PID1: variants seen among roughly 807,000 people sequenced by gnomAD.
PID1 encodes the protein phosphotyrosine interaction domain containing 1.
In PID1, 10 loss-of-function variants were observed where a neutral mutation model predicts 19.1. The ratio of observed to expected loss-of-function variants is 0.52; its 90% CI spans 0.32 to 0.89. The LOEUF (loss-of-function observed/expected upper bound fraction) is 0.89. PID1 is among the 40% of genes least tolerant of loss of function. The pLI, the probability that PID1 is intolerant of heterozygous loss-of-function variation, is 0.03. For missense variants in PID1, 248 were observed against 285.3 expected, an observed-to-expected ratio of 0.87 and a Z score of 0.94; for synonymous variants, 130 against 116.0, an observed-to-expected ratio of 1.12 and a Z score of -0.78.
chr2:229,191,675 A>C (rs7598398), intron 1 of PID1, among the ~76,000 whole-genome samples: 16,330 of 152,282 alleles, frequency 0.11, 1,178 homozygotes, highest in East Asian at 0.42. Flanking sequence ...ACAGGTTCAA[A>C]GCACCAGGGA....
intron 1 of PID1, among the ~76,000 whole-genome samples, chr2:229,240,648 C>A (rs1411709397): frequency 6.6e-6 from 1 of 152,058 alleles, no homozygotes; most frequent in Non-Finnish European, 1.5e-5. Context: ...ATTGCTTTGA[C>A]TTTCAGCATT....
chr2:229,090,188 G>T (rs530487561), intron 2 of PID1, among the ~76,000 whole-genome samples: 28 of 152,060 alleles, frequency 1.8e-4, no homozygotes, highest in Middle Eastern at 3.4e-3. Flanking sequence ...TATTCCTAAG[G>T]TATTCTTTTT....
chr2:229,170,931 G>T lies in PID1; in HGVS notation c.31-14967C>A, dbSNP rs75661303. Among the ~76,000 whole-genome samples the T allele has an allele frequency of 2.6e-3, 401 of 152,300 alleles. 4 individuals carry two copies. The highest frequency in any genetic ancestry group is 9.2e-3 in the African/African-American group (382 of 41,572). On this transcript the variant is annotated intron_variant, in intron 1 of 2. Coordinates refer to ENST00000392055, the MANE Select transcript of PID1 (RefSeq NM_001100818.2). ...ACTTTCAAAAGAATGAAAGAAGTCA[G>T]ACAAAACAATGTAAGATTTAGAAAC... is the stretch of plus-strand genomic sequence containing the variant.
At chr2:229,051,431 C>T (rs971858726) in intron 2 of PID1, among the ~76,000 whole-genome samples, 10 of 152,028 alleles carry the variant, frequency 6.6e-5, no homozygotes, top group African/African-American at 1.7e-4. Flanking sequence ...TCTGCCTCCC[C>T]GGTACAAGCG....
intron 2 of PID1, among the ~76,000 whole-genome samples, chr2:229,113,465 T>G: frequency 7.1e-6 from 1 of 141,250 alleles, no homozygotes; most frequent in African/African-American, 2.6e-5. Flanking sequence ...CACACACACA[T>G]AGATATGTGT....
chr2:229,150,112 C>A (rs1000740491), intron 2 of PID1, among the ~76,000 whole-genome samples: 3 of 151,164 alleles, frequency 2.0e-5, no homozygotes, highest in Non-Finnish European at 2.9e-5. Context: ...CGGATGCCTG[C>A]AATTTAAGCT....
intron 1 of PID1, among the ~76,000 whole-genome samples, chr2:229,212,688 G>T (rs1691763953): frequency 6.6e-6 from 1 of 152,148 alleles, no homozygotes; most frequent in South Asian, 2.1e-4. Flanking sequence ...GAATGCGGTT[G>T]GGAGGTGCAC....
intron 2 of PID1, among the ~76,000 whole-genome samples, chr2:229,109,011 G>T (rs959817374): frequency 9.2e-5 from 14 of 152,184 alleles, no homozygotes; most frequent in African/African-American, 3.1e-4. Flanking sequence ...GATCAGAGGA[G>T]ATATTTGGGT....
rs71420301 is a variant in PID1, at chr2:229,139,051, A to AAG, written c.177+16765_177+16766dup. Among the ~76,000 whole-genome samples the AAG allele has an allele frequency of 3.1e-3, 215 of 68,486 alleles. 15 individuals carry two copies. The highest frequency in any genetic ancestry group is 6.8e-3 in the Middle Eastern group (1 of 146). The allele number at this position is 68,486 out of a possible 152,430, so 44.9% of individuals were successfully genotyped here. A position where few individuals can be genotyped will look rare whatever the true frequency, so the allele number is the denominator to read the frequency against. ...AGAAAGAAAGAAAGAGAAAGAAAGA[A>AAG]AGAAAGAGAAAGAAAGAAAGAAAGA... On this transcript the variant is annotated intron_variant, in intron 2 of 2. Coordinates refer to ENST00000392055, the MANE Select transcript of PID1 (RefSeq NM_001100818.2).
In PID1 at chr2:229,271,074, G is replaced by C; in HGVS notation, c.-31C>G. 6.5e-7 allele frequency: 1 copy of C among 1,540,168 alleles called. No homozygotes were observed. Among genetic ancestry groups the C allele is most frequent in the Non-Finnish European group, 8.8e-7 (1 of 1,142,528 alleles). On this transcript the variant is annotated 5_prime_UTR_variant, in exon 1 of 3. Coordinates refer to ENST00000392055, the MANE Select transcript of PID1 (RefSeq NM_001100818.2). ...AGCCCTGGGTTTTGGCAGAGGAGAC[G>C]CTGGCGAGACTGTCGATCGCGCCGG...
chr2:229,113,086 T>C (rs572268897), intron 2 of PID1, among the ~76,000 whole-genome samples: 3 of 152,156 alleles, frequency 2.0e-5, no homozygotes, highest in Admixed American at 1.3e-4. Flanking sequence ...TCAAACAAGA[T>C]TGAAGCTATG....
At chr2:229,055,314 C>T (rs912955416) in intron 2 of PID1, among the ~76,000 whole-genome samples, 3 of 152,184 alleles carry the variant, frequency 2.0e-5, no homozygotes. Flanking sequence ...AAACACCAGC[C>T]TTTCTACCTG....
chr2:229,150,591 C>T (rs1015836402), intron 2 of PID1, among the ~76,000 whole-genome samples: 2 of 152,178 alleles, frequency 1.3e-5, no homozygotes, highest in African/African-American at 4.8e-5. Context: ...CAGAGAAATC[C>T]TCATGCTCAG....
intron 2 of PID1, among the ~76,000 whole-genome samples, chr2:229,039,048 C>T (rs1450374139): frequency 1.3e-5 from 2 of 152,230 alleles, no homozygotes; most frequent in Admixed American, 6.5e-5. Flanking sequence ...ACTTAAGTAA[C>T]GCCACTGTAT....
intron 1 of PID1, among the ~76,000 whole-genome samples, chr2:229,220,453 G>C (rs1400123472): frequency 6.6e-6 from 1 of 152,168 alleles, no homozygotes; most frequent in African/African-American, 2.4e-5. Context: ...GCCCACATGG[G>C]TTGGACGTCA....
In PID1 at chr2:229,065,729, A is replaced by AAAAAAAAAAAAAAAAAAAAG. The variant is rs765746020; in HGVS notation, c.178-39622_178-39621insCTTTTTTTTTTTTTTTTTTT. On this transcript the variant is annotated intron_variant, in intron 2 of 2. Transcript: ENST00000392055. The stretch of plus-strand genomic sequence containing the variant: ...GTGATTTACAAAAAAAAAAAAAAAA[A>AAAAAAAAAAAAAAAAAAAAG]AAACAGGTTGAAATTCAGAGATTTA... 1.3e-3 allele frequency among the ~76,000 whole-genome samples: 184 copies of AAAAAAAAAAAAAAAAAAAAG among 140,672 alleles called. 3 individuals carry two copies. The highest frequency in any genetic ancestry group is 3.5e-3 in the African/African-American group (126 of 35,800). 92.3% of individuals were successfully genotyped at this position (140,672 alleles called of 152,430 possible).
rs527564727 is a variant in PID1, at chr2:229,054,625, G to T, written c.178-28517C>A. ...GTCTAGACCCTAGAGAACCCCTCCAGGTTATCTGATTGTGGTTATAAGGGA... is the reference window on the plus strand; with the variant it reads ...GTCTAGACCCTAGAGAACCCCTCCATGTTATCTGATTGTGGTTATAAGGGA... On this transcript the variant is annotated intron_variant, in intron 2 of 2. Coordinates refer to ENST00000392055, the MANE Select transcript of PID1 (RefSeq NM_001100818.2). 1.2e-4 allele frequency among the ~76,000 whole-genome samples: 17 copies of T among 147,052 alleles called. No individual in the cohort carries two copies. In the South Asian group the frequency reaches 3.7e-3, roughly 32 times the overall value.
chr2:229,104,484 T>G (rs1180067409), intron 2 of PID1, among the ~76,000 whole-genome samples: 6 of 152,222 alleles, frequency 3.9e-5, no homozygotes. Flanking sequence ...TCCTATTAGT[T>G]TGAGCACATA....
At chr2:229,251,573 T>G (rs145324150) in intron 1 of PID1, among the ~76,000 whole-genome samples, 49 of 152,304 alleles carry the variant, frequency 3.2e-4, no homozygotes, top group African/African-American at 1.1e-3. Context: ...ATGTTAACAC[T>G]TATGAAATCG....
Sources: allele counts gnomAD v4.1 joint callset (sites outside exome capture counted in the v4.1 genomes callset), GRCh38; gene constraint gnomAD v4.1.1; transcripts MANE v1.5; gene names NCBI Gene and HGNC (gene_info 2026-07-23, HGNC 2026-07-21).